The following IQSEC1 variants were observed in gnomAD, a reference collection of about 807,000 sequenced individuals.
The protein encoded by IQSEC1 is IQ motif and SEC7 domain-containing protein 1.
A neutral mutation model predicts 91.0 loss-of-function variants in IQSEC1; 31 were observed. The observed-to-expected ratio is 0.34, with a 90% confidence interval of 0.26 to 0.46. The LOEUF (loss-of-function observed/expected upper bound fraction) is 0.46. IQSEC1 is among the 20% of genes least tolerant of loss of function. The probability of loss-of-function intolerance (pLI) is 1.00; values close to 1 mark genes in which losing one functional copy is unlikely to be tolerated. For missense variants in IQSEC1, 1,388 were observed against 1,575.6 expected (o/e 0.88, Z 2.02); for synonymous variants, 699 against 662.6 (o/e 1.05, Z -0.84).
intron 1 of IQSEC1, among the ~76,000 whole-genome samples, chr3:12,942,401 G>A (rs1046329009): frequency 2.2e-4 from 34 of 152,162 alleles, no homozygotes; most frequent in African/African-American, 7.7e-4. Context: ...AGGAAATTGA[G>A]ACCATCCTGG....
intron 1 of IQSEC1, among the ~76,000 whole-genome samples, chr3:13,229,575 GA>G (rs1383409140): frequency 1.3e-5 from 2 of 152,220 alleles, no homozygotes; most frequent in African/African-American, 4.8e-5. Context: ...GTGGTGGGAG[GA>G]GGGGGGACCT....
chr3:13,265,714 G>A (rs1459451297), intron 1 of IQSEC1, among the ~76,000 whole-genome samples: 1 of 151,928 alleles, frequency 6.6e-6, no homozygotes, highest in Non-Finnish European at 1.5e-5. Flanking sequence ...CCTCATTCCA[G>A]CCAACAGAAC....
intron 1 of IQSEC1, among the ~76,000 whole-genome samples, chr3:13,019,733 A>G (rs1482833939): frequency 6.6e-6 from 1 of 152,208 alleles, no homozygotes; most frequent in Non-Finnish European, 1.5e-5. Context: ...GGACAAACCC[A>G]GTGCCAATTA....
Position 12,900,991 on chromosome 3 carries a change from T to C in IQSEC1, c.3337A>G (p.Ile1113Val), listed in dbSNP as rs1694202238. ...ACCCCTACCCAGGCTGTCTACACAA[T>C]TGTGCTGATGCCGCTGGGTTTGGCC... ...SKAKPSGISTIV is the reference protein window; with the variant it reads ...SKAKPSGISTVV The change falls in exon 14 of 14, where the codon ATT (isoleucine) becomes GTT (valine). Residue 1113 changes from isoleucine (I) to valine (V), a missense_variant. Ile to Val is a conservative substitution (Grantham distance 29). This residue lies in a region of IQSEC1 where 329 missense variants were observed against 257.8 expected (regional missense o/e 1.28). Coordinates refer to ENST00000613206, the MANE Select transcript of IQSEC1 (RefSeq NM_001134382.3). 1.3e-6 allele frequency: 2 copies of C among 1,544,728 alleles called. No homozygotes were observed. Among genetic ancestry groups the C allele is most frequent in the Non-Finnish European group, 1.7e-6 (2 of 1,146,746 alleles).
intron 1 of IQSEC1, among the ~76,000 whole-genome samples, chr3:12,949,055 G>T (rs1471976248): frequency 1.3e-5 from 2 of 152,220 alleles, no homozygotes; most frequent in African/African-American, 4.8e-5. Context: ...AACCACCGTC[G>T]CTGGGAGGTA....
chr3:13,078,263 G>A (rs1705593887), upstream of IQSEC1, among the ~76,000 whole-genome samples: 1 of 152,210 alleles, frequency 6.6e-6, no homozygotes, highest in Non-Finnish European at 1.5e-5. Flanking sequence ...CTACTCAGGA[G>A]CCTGTGAGAG....
intron 1 of IQSEC1, among the ~76,000 whole-genome samples, chr3:13,032,804 T>C (rs1703895065): frequency 6.6e-6 from 1 of 152,180 alleles, no homozygotes; most frequent in Admixed American, 6.5e-5. Flanking sequence ...CAGGATGGTC[T>C]CAATCTCCTG....
intron 6 of IQSEC1, among the ~76,000 whole-genome samples, chr3:12,918,160 G>A (rs776512133): frequency 1.3e-5 from 2 of 152,254 alleles, no homozygotes; most frequent in Non-Finnish European, 2.9e-5. Context: ...CCATTCTGAA[G>A]CATGAGGAAG....
At chr3:13,140,404 C>T (rs189596612) in intron 2 of IQSEC1, among the ~76,000 whole-genome samples, 1 of 152,318 alleles carries the variant, frequency 6.6e-6, no homozygotes, top group East Asian at 1.9e-4. Context: ...TCATGGAAAT[C>T]ATAGTTTAGT....
chr3:13,103,351 C>T lies in IQSEC1; in HGVS notation c.303-55829G>A, dbSNP rs190720620. Among the ~76,000 whole-genome samples, 30 of 152,202 alleles carry T rather than the reference C, an allele frequency of 2.0e-4. No individual in the cohort carries two copies. The highest frequency in any genetic ancestry group is 2.4e-4 in the Non-Finnish European group (16 of 68,016). ...AATTAACCGCCCCCGCCAACACACC[C>T]GAGGCACCAATAGATCACCCTCTCC... On this transcript the variant is annotated intron_variant, in intron 2 of 15. Transcript: ENST00000648114. This position sits in a 1 kb window ranked among gnomAD's most constrained non-coding sequence, Gnocchi z 4.1.
intron 1 of IQSEC1, among the ~76,000 whole-genome samples, chr3:13,258,215 C>G (rs1352592087): frequency 6.6e-6 from 1 of 152,158 alleles, no homozygotes; most frequent in African/African-American, 2.4e-5. Context: ...GTGGGTTCAT[C>G]CATTGCGGCA....
intron 1 of IQSEC1, among the ~76,000 whole-genome samples, chr3:13,189,517 C>T (rs950249947): frequency 6.6e-6 from 1 of 152,210 alleles, no homozygotes; most frequent in Non-Finnish European, 1.5e-5. Flanking sequence ...TTCTCCTTTG[C>T]CAGAACAAGT....
intron 1 of IQSEC1, among the ~76,000 whole-genome samples, chr3:13,190,780 A>G (rs1465790399): frequency 6.6e-6 from 1 of 152,224 alleles, no homozygotes; most frequent in Non-Finnish European, 1.5e-5. Context: ...AAGTTGCTTG[A>G]GAGTAAGCCG....
At chr3:12,995,465 A>C (rs1381839841) in intron 1 of IQSEC1, among the ~76,000 whole-genome samples, 1 of 152,228 alleles carries the variant, frequency 6.6e-6, no homozygotes, top group African/African-American at 2.4e-5. Flanking sequence ...AGGATTATTC[A>C]TTTACTTGAG....
intron 1 of IQSEC1, among the ~76,000 whole-genome samples, chr3:13,232,527 C>A (rs527635837): frequency 2.6e-5 from 4 of 152,054 alleles, no homozygotes; most frequent in Admixed American, 6.6e-5. Context: ...AGGCCTCTCA[C>A]GGGGTGGTGA....
rs182085273 is a variant in IQSEC1 at position 13,256,522 on chromosome 3, T to A, written c.272+26189A>T. Among the ~76,000 whole-genome samples the A allele has an allele frequency of 4.2e-3, 634 of 152,280 alleles. 8 individuals are homozygous for A. Among genetic ancestry groups the A allele is most frequent in the African/African-American group, 0.014 (595 of 41,548 alleles). ...CCCACCTGACAGATAAGCAAACTGA[T>A]TGGAGGGCAGCCCAGTGATTTGCCC... On this transcript the variant is annotated intron_variant, in intron 1 of 15. Transcript: ENST00000648114.
chr3:13,226,632 G>C (rs1694758933), intron 1 of IQSEC1, among the ~76,000 whole-genome samples: 1 of 151,600 alleles, frequency 6.6e-6, no homozygotes, highest in African/African-American at 2.4e-5. Flanking sequence ...CATCAACCCA[G>C]TAAGTGGGCA....
intron 1 of IQSEC1, among the ~76,000 whole-genome samples, chr3:13,279,387 T>C (rs1695748184): frequency 6.6e-6 from 1 of 152,230 alleles, no homozygotes; most frequent in African/African-American, 2.4e-5. Context: ...CTGTATTTTT[T>C]CCTGTTATCA....
At chr3:13,186,751 G>C (rs902239182) in intron 1 of IQSEC1, among the ~76,000 whole-genome samples, 2 of 152,084 alleles carry the variant, frequency 1.3e-5, no homozygotes, top group Admixed American at 1.3e-4. Context: ...TGAGGCACAG[G>C]GGCTGGGGCT....
Sources: gnomAD v4.1 joint callset for allele counts (sites outside exome capture counted in the v4.1 genomes callset) on GRCh38, gnomAD v4.1.1 for gene constraint, gnomAD v4.1.1 regional missense constraint, Gnocchi (gnomAD v3.1) non-coding constraint, MANE v1.5 for transcripts, NCBI Gene and HGNC (gene_info 2026-07-23, HGNC 2026-07-21) for gene names.